Variants in LBR observed in about 807,000 individuals in gnomAD.
LBR encodes delta(14)-sterol reductase LBR.
A neutral mutation model predicts 74.3 loss-of-function variants in LBR; 28 were observed. That is an observed-to-expected ratio of 0.38 (90% CI 0.28 to 0.52). The LOEUF (loss-of-function observed/expected upper bound fraction) is 0.52, where lower values mean the gene tolerates loss of function less well. LBR is among the 20% of genes least tolerant of loss of function. LBR has a pLI of 0.89. For missense variants in LBR, 717 were observed against 760.3 expected (o/e 0.94, Z 0.67); for synonymous variants, 228 against 269.3 (o/e 0.85, Z 1.50).
chr1:225,428,099 G>C (rs1305833686), upstream of LBR: 1 of 152,042 alleles, frequency 6.6e-6, no homozygotes, highest in South Asian at 2.1e-4. Context: ...CCCCGGCCCC[G>C]CCTCGCGGCG....
At chr1:225,422,319 T>C (rs150051140) in intron 2 of LBR, 42 bp from the exon 3 acceptor site, 18 of 1,512,368 alleles carry the variant, frequency 1.2e-5, no homozygotes, top group Admixed American at 1.7e-5. Context: ...CCACAAATCA[T>C]AACACATACA....
chr1:225,406,417 TA>T (rs1558649779), intron 11 of LBR: 1 of 368,762 alleles, frequency 2.7e-6, no homozygotes, highest in Non-Finnish European at 4.8e-6. Context: ...TAAAACAACT[TA>T]AATTTATTAA....
Position 225,402,631 on chromosome 1 carries a change from C to T in LBR, c.*672G>A, listed in dbSNP as rs751678563. The T allele has an allele frequency of 6.6e-6, 1 of 152,570 alleles. No individual in the cohort carries two copies. Among genetic ancestry groups the T allele is most frequent in the Admixed American group, 6.5e-5 (1 of 15,288 alleles). 9.5% of individuals were successfully genotyped at this position (152,570 alleles called of 1,614,324 possible). On this transcript the variant is annotated 3_prime_UTR_variant, in exon 14 of 14. Transcript: ENST00000272163. ...ACAGTTAGTCCTGACAATCATCTCA[C>T]ATTCAAAATACTGTACAAAAAAATC...
In LBR at chr1:225,411,367, A is replaced by G. The variant is rs140194269; in HGVS notation, c.1158T>C (p.Phe386=). 7.4e-6 allele frequency: 12 copies of G among 1,614,002 alleles called. No individual in the cohort carries two copies. In the African/African-American group the frequency reaches 1.1e-4, roughly 14 times the overall value. Residue 386 remains phenylalanine, a synonymous_variant, in exon 9 of 14, where the codon TTT becomes TTC. Transcript: ENST00000272163. ...PRIGTFDLKY[F]CELRPGLIGW... The stretch of plus-strand genomic sequence containing the variant: ...CAATCAATCCGGGGCGCAATTCACA[A>G]AAGTATTTGAGATCAAAAGTACCAA...
At chr1:225,412,139 A>G (rs2096107130) in intron 8 of LBR, among the ~76,000 whole-genome samples, 1 of 152,206 alleles carries the variant, frequency 6.6e-6, no homozygotes, top group Non-Finnish European at 1.5e-5. Flanking sequence ...TGTTTTTTAA[A>G]GAGTGTTTAC....
In LBR at chr1:225,423,495, T is replaced by A. The variant is rs192302481; in HGVS notation, c.165+416A>T. On this transcript the variant is annotated intron_variant, in intron 2 of 13. Coordinates refer to ENST00000272163, the MANE Select transcript of LBR (RefSeq NM_002296.4). ...GACTGTGTCCCCCAGACCCCTGACT[T>A]TGGCATACTGCCCTCTCTGCAGAAA... is the stretch of plus-strand genomic sequence containing the variant. Among the ~76,000 whole-genome samples the A allele has an allele frequency of 2.6e-5, 4 of 152,190 alleles. No homozygotes were observed. In the East Asian group the frequency reaches 7.7e-4, roughly 29 times the overall value.
chr1:225,408,882 AC>A (rs559045506), intron 10 of LBR, among the ~76,000 whole-genome samples: 1 of 152,236 alleles, frequency 6.6e-6, no homozygotes, highest in Non-Finnish European at 1.5e-5. Flanking sequence ...AAAAGTGACA[AC>A]CACAACATGG....
At chr1:225,412,367 G>T in intron 8 of LBR, 87 bp downstream of exon 8, 1 of 1,254,190 alleles carries the variant, frequency 8.0e-7, no homozygotes, top group Non-Finnish European at 1.2e-6. Flanking sequence ...AATGAAGTTA[G>T]AAAAAAAGCA....
intron 10 of LBR, among the ~76,000 whole-genome samples, chr1:225,407,255 A>C (rs1180797888): frequency 6.6e-6 from 1 of 152,122 alleles, no homozygotes; most frequent in Non-Finnish European, 1.5e-5. Context: ...TCTTCACTAC[A>C]CTAAAAGCCT....
chr1:225,418,345 G>A (rs990777343), intron 5 of LBR, among the ~76,000 whole-genome samples, 165 bp from the exon 6 acceptor site: 1 of 151,664 alleles, frequency 6.6e-6, no homozygotes. Context: ...CACCTCTGGT[G>A]GCCTGGCAAC....
Position 225,406,933 on chromosome 1 carries a change from G to C in LBR, c.1315-101C>G, listed in dbSNP as rs890441309. On this transcript the variant is annotated intron_variant, in intron 10 of 13. Coordinates refer to ENST00000272163, the MANE Select transcript of LBR (RefSeq NM_002296.4). ...GCAAATGTAAAAAGTGCTATGGGCGGGTCCACAATCAACATTTTTTTGTTA... is the reference window on the plus strand; with the variant it reads ...GCAAATGTAAAAAGTGCTATGGGCGCGTCCACAATCAACATTTTTTTGTTA... 1.7e-5 allele frequency: 19 copies of C among 1,129,392 alleles called. No homozygotes were observed. The African/African-American group carries it at 2.8e-4, about 17-fold the overall frequency. The allele number at this position is 1,129,392 out of a possible 1,614,324, so 70.0% of individuals were successfully genotyped here.
At chr1:225,405,226 T>C (rs2096088947) in intron 11 of LBR, among the ~76,000 whole-genome samples, 1 of 152,210 alleles carries the variant, frequency 6.6e-6, no homozygotes, top group African/African-American at 2.4e-5. Flanking sequence ...AATCCCACTT[T>C]AAGTCTATAA....
Position 225,409,423 on chromosome 1 carries a change from G to C in LBR, c.1314+868C>G, listed in dbSNP as rs112993886. 1.9e-3 allele frequency among the ~76,000 whole-genome samples: 292 copies of C among 152,298 alleles called. 1 individual carries two copies. The highest frequency in any genetic ancestry group is 6.7e-3 in the African/African-American group (277 of 41,544). ...GCCAAAATTAAAGACCAGCCAGCAG[G>C]GGTGGGGGAGATACATAGTATTGAT... On this transcript the variant is annotated intron_variant, in intron 10 of 13. Coordinates refer to ENST00000272163, the MANE Select transcript of LBR (RefSeq NM_002296.4).
At chr1:225,424,748 T>C (rs780489064) in intron 1 of LBR, among the ~76,000 whole-genome samples, 16 of 152,198 alleles carry the variant, frequency 1.1e-4, no homozygotes, top group Admixed American at 3.3e-4. Context: ...AATTATAACA[T>C]TCTTTTCCTC....
intron 10 of LBR, among the ~76,000 whole-genome samples, 179 bp from the exon 11 acceptor site, chr1:225,407,011 T>G (rs2096093355): frequency 6.6e-6 from 1 of 152,126 alleles, no homozygotes; most frequent in Non-Finnish European, 1.5e-5. Flanking sequence ...TGCTGTCACA[T>G]TCTCCCGTCA....
rs896830282 is a variant in LBR, at chr1:225,402,329, C to T, written c.*974G>A. The stretch of plus-strand genomic sequence containing the variant: ...GCCTGAAATGGCAAATTTTCAAACA[C>T]CGATCTGTGTAAAAATGTTTAAATA... On this transcript the variant is annotated 3_prime_UTR_variant, in exon 14 of 14. Transcript: ENST00000272163. The T allele has an allele frequency of 6.6e-6, 1 of 152,090 alleles. No homozygotes were observed. Among genetic ancestry groups the T allele is most frequent in the Non-Finnish European group, 1.5e-5 (1 of 67,984 alleles). The allele number at this position is 152,090 out of a possible 1,614,324, so 9.4% of individuals were successfully genotyped here.
upstream of LBR, among the ~76,000 whole-genome samples, chr1:225,428,188 A>C (rs1442210437): frequency 6.6e-6 from 1 of 151,728 alleles, no homozygotes; most frequent in Non-Finnish European, 1.5e-5. Flanking sequence ...CTTTTGAATC[A>C]TCCCCGGCGC....
At position 225,404,674 on chromosome 1, in the gene LBR, A is replaced by G. The variant is rs2096087860; in HGVS notation, c.1516T>C (p.Ser506Pro). The G allele has an allele frequency of 6.2e-7, 1 of 1,611,488 alleles. No individual in the cohort carries two copies. The highest frequency in any genetic ancestry group is 8.5e-7 in the Non-Finnish European group (1 of 1,179,278). ...CGYVIFRGANSQKNAFRKNPS... is the reference protein window; with the variant it reads ...CGYVIFRGANPQKNAFRKNPS... ...TTTTTCCGGAATGCATTTTTCTGAG[A>G]ATTTGCACCTCGGAAGATTACATAA... The change falls in exon 12 of 14, where the codon TCT becomes CCT. Residue 506 changes from serine to proline, a missense_variant. By Grantham distance (74) the Ser-to-Pro change is moderately conservative. Transcript: ENST00000272163.
Position 225,419,323 on chromosome 1 carries a change from C to A in LBR, c.580G>T (p.Val194Leu). ...EEKYVAKELA[V>L]RTFEVTPIRA... ...ATGGGGGTCACTTCAAAGGTTCTCA[C>A]TGCCAGTTCTTTTGCAACGTATTTT... is the stretch of plus-strand genomic sequence containing the variant. The change falls in exon 5 of 14, where the codon GTG becomes TTG. Residue 194 changes from valine to leucine, a missense_variant. Transcript: ENST00000272163. 2 of 1,614,256 alleles carry A rather than the reference C, an allele frequency of 1.2e-6. No homozygotes were observed. Among genetic ancestry groups the A allele is most frequent in the Non-Finnish European group, 1.7e-6 (2 of 1,180,048 alleles).
Sources: gnomAD v4.1 joint callset for allele counts (sites outside exome capture counted in the v4.1 genomes callset) on GRCh38, gnomAD v4.1.1 for gene constraint, MANE v1.5 for transcripts, NCBI Gene and HGNC (gene_info 2026-07-23, HGNC 2026-07-21) for gene names.